ZFHX3: variants seen among roughly 807,000 people sequenced by gnomAD.
The protein encoded by ZFHX3 is zinc finger homeobox protein 3.
A neutral mutation model predicts 279.1 loss-of-function variants in ZFHX3; 42 were observed. The ratio of observed to expected loss-of-function variants is 0.15; its 90% confidence interval spans 0.12 to 0.19. ZFHX3 has a LOEUF of 0.19. ZFHX3 is among the 10% of genes least tolerant of loss of function. The pLI, the probability that ZFHX3 is intolerant of heterozygous loss-of-function variation, is 1.00. For missense variants in ZFHX3, 4,981 were observed against 4,754.0 expected (o/e 1.05, Z -1.40); for synonymous variants, 2,293 against 1,957.8 (o/e 1.17, Z -4.52).
At chr16:73,580,154 C>T (rs899770845) in intron 2 of ZFHX3, among the ~76,000 whole-genome samples, 4 of 151,458 alleles carry the variant, frequency 2.6e-5, no homozygotes, top group Non-Finnish European at 4.4e-5. Flanking sequence ...ATAATTTCCC[C>T]TCTATGTGTT....
chr16:73,250,622 C>G (rs1034178829), intron 5 of ZFHX3, among the ~76,000 whole-genome samples: 1 of 152,150 alleles, frequency 6.6e-6, no homozygotes, highest in Non-Finnish European at 1.5e-5. Context: ...CAAGCTCCAG[C>G]TCCTGGATTC....
rs141829783 is a variant in ZFHX3 at position 72,963,805 on chromosome 16, G to A, written c.-49-3611C>T. The stretch of plus-strand genomic sequence containing the variant: ...GGGGTGGGAGGGGTGCAGTTATGAC[G>A]AAGGGGAGGGGGCTCCTGCTGTTGC... On this transcript the variant is annotated intron_variant, in intron 1 of 9. Coordinates refer to ENST00000268489, the MANE Select transcript of ZFHX3 (RefSeq NM_006885.4). Among the ~76,000 whole-genome samples the A allele has an allele frequency of 7.0e-4, 106 of 152,276 alleles. 1 individual carries two copies. The highest frequency in any genetic ancestry group is 1.2e-3 in the Non-Finnish European group (84 of 68,024).
chr16:73,508,646 C>T (rs1195653597), intron 2 of ZFHX3, among the ~76,000 whole-genome samples: 1 of 152,200 alleles, frequency 6.6e-6, no homozygotes, highest in Non-Finnish European at 1.5e-5. Flanking sequence ...GATTCTCCAT[C>T]ATCCAACAAG....
At chr16:73,835,135 A>G (rs1477930276) in intron 1 of ZFHX3, among the ~76,000 whole-genome samples, 1 of 152,200 alleles carries the variant, frequency 6.6e-6, no homozygotes, top group Admixed American at 6.5e-5. Flanking sequence ...CATCTGAAGC[A>G]GCTTCTGCAG....
chr16:73,305,867 G>A (rs1169574797), intron 4 of ZFHX3, among the ~76,000 whole-genome samples: 1 of 152,138 alleles, frequency 6.6e-6, no homozygotes, highest in African/African-American at 2.4e-5. Flanking sequence ...CATCCTGGCA[G>A]GAAAAGCACA....
intron 1 of ZFHX3, among the ~76,000 whole-genome samples, chr16:73,839,544 A>G (rs1347279763): frequency 6.6e-6 from 1 of 152,130 alleles, no homozygotes; most frequent in Non-Finnish European, 1.5e-5. Context: ...TTAGAAAAAC[A>G]TCAGTTCAAT....
chr16:73,070,276 T>G (rs1366233400), intron 8 of ZFHX3, among the ~76,000 whole-genome samples: 1 of 152,128 alleles, frequency 6.6e-6, no homozygotes, highest in Non-Finnish European at 1.5e-5. Context: ...CATCTGATCC[T>G]TTCACTCTAA....
At chr16:73,088,894 G>A (rs1966040183) in intron 8 of ZFHX3, among the ~76,000 whole-genome samples, 1 of 152,096 alleles carries the variant, frequency 6.6e-6, no homozygotes, top group South Asian at 2.1e-4. Context: ...AAGTCAGACT[G>A]TTTAGTATCC....
chr16:73,098,256 G>T (rs1217674935), intron 7 of ZFHX3, among the ~76,000 whole-genome samples: 2 of 152,030 alleles, frequency 1.3e-5, no homozygotes, highest in Non-Finnish European at 2.9e-5. Flanking sequence ...TTTTAGTAGA[G>T]ACAGGGTTTC....
intron 4 of ZFHX3, among the ~76,000 whole-genome samples, chr16:73,279,750 G>A (rs1003755678): frequency 3.9e-5 from 6 of 152,136 alleles, no homozygotes; most frequent in East Asian, 1.9e-4. Context: ...CTTGAAGGAC[G>A]TTGCACAGAA....
At chr16:72,811,304 C>T (rs569411903) in intron 7 of ZFHX3, among the ~76,000 whole-genome samples, 2 of 152,282 alleles carry the variant, frequency 1.3e-5, no homozygotes, top group African/African-American at 4.8e-5. Flanking sequence ...ATGATTTCTT[C>T]ATATAAATGG....
At chr16:73,751,296 T>C (rs1027912430) in intron 1 of ZFHX3, among the ~76,000 whole-genome samples, 5 of 152,210 alleles carry the variant, frequency 3.3e-5, no homozygotes, top group Non-Finnish European at 5.9e-5. Flanking sequence ...GAGTACAATG[T>C]TTTGAATAGA....
chr16:73,422,809 G>A (rs1442863778), intron 3 of ZFHX3, among the ~76,000 whole-genome samples: 1 of 152,200 alleles, frequency 6.6e-6, no homozygotes, highest in Admixed American at 6.5e-5. Flanking sequence ...GAAGGAAACT[G>A]TGAAACAGAC....
At chr16:73,135,897 G>A (rs933212625) in intron 6 of ZFHX3, among the ~76,000 whole-genome samples, 5 of 148,166 alleles carry the variant, frequency 3.4e-5, no homozygotes, top group African/African-American at 5.0e-5. Context: ...TCGCTTTGTC[G>A]CCCAGGCTGG....
intron 4 of ZFHX3, among the ~76,000 whole-genome samples, chr16:73,286,928 G>A (rs1962883882): frequency 6.6e-6 from 1 of 150,570 alleles, no homozygotes; most frequent in Non-Finnish European, 1.5e-5. Context: ...GGCTGTGTGG[G>A]TTGGTGTGTG....
intron 5 of ZFHX3, among the ~76,000 whole-genome samples, chr16:73,250,835 C>T (rs1016106118): frequency 6.6e-6 from 1 of 152,140 alleles, no homozygotes; most frequent in East Asian, 1.9e-4. Context: ...AGCCACCGTG[C>T]CCAGCTACCC....
At chr16:73,574,237 C>A (rs2051773339) in intron 2 of ZFHX3, among the ~76,000 whole-genome samples, 1 of 152,088 alleles carries the variant, frequency 6.6e-6, no homozygotes, top group African/African-American at 2.4e-5. Flanking sequence ...CTAAAGAAAT[C>A]ACCTCTTTAT....
intron 2 of ZFHX3, among the ~76,000 whole-genome samples, chr16:73,600,511 G>T (rs1220369810): frequency 6.7e-6 from 1 of 149,028 alleles, no homozygotes; most frequent in African/African-American, 2.5e-5. Flanking sequence ...TCCACCTCCC[G>T]AGTTCAAGCC....
chr16:73,003,542 T>TA (rs147999738), intron 1 of ZFHX3, among the ~76,000 whole-genome samples: 50,845 of 120,586 alleles, frequency 0.42, 10,205 homozygotes, highest in East Asian at 0.7. Flanking sequence ...CCCCATCTCT[T>TA]AAAAAAAAAA....
Sources: allele counts gnomAD v4.1 joint callset (sites outside exome capture counted in the v4.1 genomes callset), GRCh38; gene constraint gnomAD v4.1.1; transcripts MANE v1.5; gene names NCBI Gene and HGNC (gene_info 2026-07-23, HGNC 2026-07-21).